HLA-DRB1: variants seen among roughly 807,000 people sequenced by gnomAD.
The protein encoded by HLA-DRB1 is major histocompatibility complex, class II, DR beta 1 precursor.
Under a neutral mutation model 27.9 loss-of-function variants are expected in HLA-DRB1, and 10 were observed. That is an observed-to-expected ratio of 0.36 (90% CI 0.22 to 0.61). The LOEUF is 0.61. Among genes scored for constraint, HLA-DRB1 ranks in the 20% least tolerant of loss-of-function variants. The probability of loss-of-function intolerance (pLI) is 0.73; values close to 1 mark genes in which losing one functional copy is unlikely to be tolerated. For missense variants in HLA-DRB1, 118 were observed against 306.3 expected (o/e 0.39, Z 4.59); for synonymous variants, 57 against 126.7 (o/e 0.45, Z 3.69).
intron 2 of HLA-DRB1, among the ~76,000 whole-genome samples, chr6:32,582,463 T>C (rs28723994): frequency 0.26 from 22,549 of 87,016 alleles, 3,527 homozygotes; most frequent in Middle Eastern, 0.39. Flanking sequence ...TATGCATAGA[T>C]AAAGGGACAG....
intron 2 of HLA-DRB1, among the ~76,000 whole-genome samples, chr6:32,583,096 G>C (rs9269877): frequency 0.76 from 56,243 of 74,356 alleles, 23,262 homozygotes; most frequent in Middle Eastern, 0.85. Flanking sequence ...TACAAAGAAC[G>C]CAGAAAGTCA....
chr6:32,580,958 C>T (rs28732294), intron 3 of HLA-DRB1, 102 bp from the exon 4 acceptor site: 31,459 of 707,108 alleles, frequency 0.044, 1,842 homozygotes, highest in Non-Finnish European at 0.052. Context: ...AAAGCTGCCT[C>T]ACAAGAACTA....
intron 1 of HLA-DRB1, among the ~76,000 whole-genome samples, chr6:32,585,596 T>C (rs1386294461): frequency 5.4e-4 from 68 of 126,238 alleles, no homozygotes; most frequent in Admixed American, 1.1e-3. Context: ...TCTAAAGCAA[T>C]TAGTATCTTC....
At position 32,580,954 on chromosome 6, in the gene HLA-DRB1, GC is replaced by G. The variant is rs1775367613; in HGVS notation, c.653-99del. The G allele has an allele frequency of 1.8e-3, 1,469 of 801,984 alleles. 1 individual carries two copies. Among genetic ancestry groups the G allele is most frequent in the Admixed American group, 5.4e-3 (138 of 25,402 alleles). The allele number at this position is 801,984 out of a possible 1,614,324, so 49.7% of individuals were successfully genotyped here. A position where few individuals can be genotyped will look rare whatever the true frequency, so the allele number is the denominator to read the frequency against. On this transcript the variant is annotated intron_variant, in intron 3 of 5. Transcript: ENST00000360004. ...AGCTTTGAAAATGGGGCAGAAAGCT[GC>G]CTCACAAGAACTAAAATAACTAGCC... is the stretch of plus-strand genomic sequence containing the variant.
chr6:32,585,513 A>C (rs1776268514), intron 1 of HLA-DRB1, among the ~76,000 whole-genome samples: 2 of 72,258 alleles, frequency 2.8e-5, no homozygotes, highest in Non-Finnish European at 2.7e-5. Flanking sequence ...CATAATAAAC[A>C]CTCGAATACA....
Position 32,582,824 on chromosome 6 carries a change from C to T in HLA-DRB1, c.371-986G>A, listed in dbSNP as rs183279257. Among the ~76,000 whole-genome samples the T allele has an allele frequency of 4.7e-4, 60 of 126,774 alleles. 4 individuals are homozygous for T. The highest frequency in any genetic ancestry group is 1.7e-3 in the African/African-American group (57 of 33,004). The allele number at this position is 126,774 out of a possible 152,430, so 83.2% of individuals were successfully genotyped here. A position where few individuals can be genotyped will look rare whatever the true frequency, so the allele number is the denominator to read the frequency against. ...GACTCGTTACTTGGGGTGCTTATGC[C>T]CAGGAAAATCCCCGACACTAGCATA... On this transcript the variant is annotated intron_variant, in intron 2 of 5. Transcript: ENST00000360004.
chr6:32,588,804 A>G lies in HLA-DRB1; in HGVS notation c.100+839T>C, dbSNP rs184243148. 2.1e-3 allele frequency among the ~76,000 whole-genome samples: 138 copies of G among 64,958 alleles called. 15 individuals carry two copies. In the East Asian group the frequency reaches 0.079, roughly 37 times the overall value. 42.6% of individuals were successfully genotyped at this position (64,958 alleles called of 152,430 possible). On this transcript the variant is annotated intron_variant, in intron 1 of 5. Transcript: ENST00000360004. ...TTTTTGACTTAAAAAATAGAATTTC[A>G]TATAATTTATACATTAGTTAAATCT...
At chr6:32,585,849 C>A (rs113647600) in intron 1 of HLA-DRB1, among the ~76,000 whole-genome samples, 15,604 of 146,028 alleles carry the variant, frequency 0.11, 1,625 homozygotes, top group Non-Finnish European at 0.12. Flanking sequence ...ATTTTAGATT[C>A]CAGAGATGTA....
chr6:32,580,545 G>A (rs28732266), intron 4 of HLA-DRB1, among the ~76,000 whole-genome samples: 7,423 of 98,274 alleles, frequency 0.076, 485 homozygotes, highest in East Asian at 0.092. Flanking sequence ...CCTTCCTCTC[G>A]TCTCTGCAGG....
At chr6:32,589,430 ATT>A (rs1777028188) in intron 1 of HLA-DRB1, among the ~76,000 whole-genome samples, 1 of 74,290 alleles carries the variant, frequency 1.3e-5, no homozygotes, top group Non-Finnish European at 2.6e-5. Context: ...AAAAGAAATG[ATT>A]TGTGCAAAGG....
At chr6:32,583,729 TAC>T (rs1399809251) in intron 2 of HLA-DRB1, among the ~76,000 whole-genome samples, 5 of 54,366 alleles carry the variant, frequency 9.2e-5, no homozygotes, top group East Asian at 5.5e-4. Context: ...ACACACACCT[TAC>T]ATTTCCCTTC....
intron 1 of HLA-DRB1, among the ~76,000 whole-genome samples, chr6:32,588,344 C>T (rs34756259): frequency 0.16 from 18,745 of 118,388 alleles, 1,838 homozygotes; most frequent in East Asian, 0.2. Flanking sequence ...TTCCCAGCTA[C>T]TCTGGAGCCT....
At chr6:32,589,484 C>T (rs1448984932) in intron 1 of HLA-DRB1, among the ~76,000 whole-genome samples, 159 bp downstream of exon 1, 2,588 of 109,876 alleles carry the variant, frequency 0.024, 1 homozygote, top group African/African-American at 0.053. Context: ...TACCCAAGCT[C>T]CTTTTATGGA....
At chr6:32,585,322 T>A (rs9270020) in intron 1 of HLA-DRB1, among the ~76,000 whole-genome samples, 5,192 of 55,394 alleles carry the variant, frequency 0.094, 311 homozygotes, top group East Asian at 0.13. Context: ...CTAATGATGG[T>A]CAAACTCTCA....
chr6:32,582,846 CAT>C (rs1775758295), intron 2 of HLA-DRB1, among the ~76,000 whole-genome samples: 1 of 78,692 alleles, frequency 1.3e-5, no homozygotes, highest in Non-Finnish European at 2.5e-5. Context: ...CCGACACTAG[CAT>C]ACTCTCAATA....
At chr6:32,584,941 A>T (rs9269997) in intron 1 of HLA-DRB1, among the ~76,000 whole-genome samples, 139 of 56,114 alleles carry the variant, frequency 2.5e-3, no homozygotes, top group Admixed American at 4.9e-3. Flanking sequence ...AATGAGAAAT[A>T]TCAGAAGTGT....
chr6:32,589,436 G>GGAGGCCC (rs1777031764), intron 1 of HLA-DRB1, among the ~76,000 whole-genome samples: 1 of 64,274 alleles, frequency 1.6e-5, no homozygotes. Flanking sequence ...AATGATTTGT[G>GGAGGCCC]CAAAGGCCCC....
intron 1 of HLA-DRB1, among the ~76,000 whole-genome samples, chr6:32,588,289 C>A: frequency 7.6e-6 from 1 of 131,134 alleles, no homozygotes; most frequent in African/African-American, 2.7e-5. Context: ...AATCTCATGT[C>A]TACCAAAATT....
intron 1 of HLA-DRB1, among the ~76,000 whole-genome samples, chr6:32,589,052 G>A (rs9270233): frequency 0.58 from 45,082 of 77,590 alleles, 16,204 homozygotes; most frequent in Middle Eastern, 0.82. Context: ...CACAAGAAAG[G>A]AAGAGCACTA....
Sources: gnomAD v4.1 joint callset for allele counts (sites outside exome capture counted in the v4.1 genomes callset) on GRCh38, gnomAD v4.1.1 for gene constraint, MANE v1.5 for transcripts, NCBI Gene and HGNC (gene_info 2026-07-23, HGNC 2026-07-21) for gene names.